Variants in SLC41A2 observed in about 807,000 individuals in gnomAD.
SLC41A2 encodes the protein solute carrier family 41 member 2.
Under a neutral mutation model 58.3 loss-of-function variants are expected in SLC41A2, and 32 were observed. That is an observed-to-expected ratio of 0.55 (90% CI 0.41 to 0.74). SLC41A2 has a LOEUF of 0.74. Ranked by LOEUF, SLC41A2 falls within the 30% of genes least tolerant of loss-of-function variation. The probability of loss-of-function intolerance (pLI) is 0.00; values close to 1 mark genes in which losing one functional copy is unlikely to be tolerated. For synonymous variants in SLC41A2, 190 were observed against 235.0 expected (o/e 0.81, Z 1.75); for missense variants, 514 against 680.6 (o/e 0.76, Z 2.72).
chr12:104,813,591 G>T (rs976228860), intron 10 of SLC41A2, among the ~76,000 whole-genome samples: 2 of 152,100 alleles, frequency 1.3e-5, no homozygotes, highest in Non-Finnish European at 2.9e-5. Context: ...CACACACACA[G>T]AATTTAAATA....
rs528489722 is a variant in SLC41A2, at chr12:104,887,092, C to T, written c.881-653G>A. On this transcript the variant is annotated intron_variant, in intron 5 of 10. Transcript: ENST00000258538. ...ACTTGTACTTTTACATCCTAATTTT[C>T]TTAAATTATACAAATGGGATAAAAC... 9.9e-5 allele frequency among the ~76,000 whole-genome samples: 15 copies of T among 152,018 alleles called. 2 individuals carry two copies. In the South Asian group the frequency reaches 2.9e-3, roughly 29 times the overall value.
intron 1 of SLC41A2, among the ~76,000 whole-genome samples, chr12:104,952,690 G>A (rs2048000341): frequency 6.6e-6 from 1 of 151,946 alleles, no homozygotes. Context: ...ATTTTCTATT[G>A]TATTCCTTTT....
chr12:104,949,077 T>C (rs2047853349), intron 1 of SLC41A2, among the ~76,000 whole-genome samples: 1 of 151,892 alleles, frequency 6.6e-6, no homozygotes, highest in Non-Finnish European at 1.5e-5. Context: ...TAGTGGGGCA[T>C]GGTGGTGGTG....
intron 1 of SLC41A2, among the ~76,000 whole-genome samples, chr12:104,943,696 G>A (rs1446477945): frequency 6.6e-6 from 1 of 152,136 alleles, no homozygotes; most frequent in Admixed American, 6.5e-5. Flanking sequence ...CAGTACTTGG[G>A]TTTTCCTGCT....
intron 6 of SLC41A2, among the ~76,000 whole-genome samples, chr12:104,877,666 C>G (rs987487040): frequency 1.3e-5 from 2 of 152,062 alleles, no homozygotes; most frequent in Non-Finnish European, 2.9e-5. Flanking sequence ...ATGATTAAGT[C>G]TTTTATAAGG....
intron 1 of SLC41A2, among the ~76,000 whole-genome samples, chr12:104,953,476 G>A (rs1046048543): frequency 1.3e-5 from 2 of 152,200 alleles, no homozygotes; most frequent in African/African-American, 4.8e-5. Flanking sequence ...CTAATTGCTA[G>A]GATAGGTATA....
intron 4 of SLC41A2, among the ~76,000 whole-genome samples, chr12:104,890,421 T>C: frequency 6.6e-6 from 1 of 152,174 alleles, no homozygotes; most frequent in East Asian, 1.9e-4. Context: ...AGCAGTAAAA[T>C]TAATTTATAA....
intron 8 of SLC41A2, among the ~76,000 whole-genome samples, chr12:104,850,941 T>C (rs1242410292): frequency 6.6e-6 from 1 of 152,230 alleles, no homozygotes; most frequent in Non-Finnish European, 1.5e-5. Flanking sequence ...AGCTGTGTTC[T>C]CTGTAACATT....
At position 104,882,294 on chromosome 12, in the gene SLC41A2, A is replaced by T. The variant is rs569474728; in HGVS notation, c.1027+3999T>A. ...CCAATTTGCCAGTCTGTGTCTTTTA[A>T]TTGGGGCATTTAGTCCATTTACATT... On this transcript the variant is annotated intron_variant, in intron 6 of 10. Coordinates refer to ENST00000258538, the MANE Select transcript of SLC41A2 (RefSeq NM_001352171.3). 9.2e-5 allele frequency among the ~76,000 whole-genome samples: 14 copies of T among 152,258 alleles called. 1 individual carries two copies. In the East Asian group the frequency reaches 2.1e-3, roughly 23 times the overall value.
chr12:104,859,457 T>C (rs903147337), intron 8 of SLC41A2, among the ~76,000 whole-genome samples: 1 of 152,094 alleles, frequency 6.6e-6, no homozygotes, highest in Non-Finnish European at 1.5e-5. Flanking sequence ...AAATAAATGA[T>C]TGAGCAAGTG....
chr12:104,838,888 C>T (rs959447075), intron 10 of SLC41A2, among the ~76,000 whole-genome samples: 1 of 152,148 alleles, frequency 6.6e-6, no homozygotes, highest in Non-Finnish European at 1.5e-5. Context: ...GTAGTTGGCA[C>T]ACTATATGTA....
intron 3 of SLC41A2, among the ~76,000 whole-genome samples, chr12:104,906,479 AG>A (rs1316613128): frequency 6.6e-6 from 1 of 152,162 alleles, no homozygotes; most frequent in East Asian, 1.9e-4. Flanking sequence ...GCCTCAGACC[AG>A]GGGGTGGCTC....
chr12:104,879,789 G>A (rs1344781742), intron 6 of SLC41A2, among the ~76,000 whole-genome samples: 2 of 151,938 alleles, frequency 1.3e-5, no homozygotes, highest in Non-Finnish European at 2.9e-5. Context: ...GCTCTTTTTC[G>A]GTTCCATATG....
Position 104,897,144 on chromosome 12 carries a change from C to CTT in SLC41A2, c.664-1801_664-1800dup, listed in dbSNP as rs71440558. Among the ~76,000 whole-genome samples, 732 of 120,254 alleles carry CTT rather than the reference C, an allele frequency of 6.1e-3. 10 individuals carry two copies. Among genetic ancestry groups the CTT allele is most frequent in the Non-Finnish European group, 7.6e-3 (453 of 59,882 alleles). 78.9% of individuals were successfully genotyped at this position (120,254 alleles called of 152,430 possible). On this transcript the variant is annotated intron_variant, in intron 3 of 10. Coordinates refer to ENST00000258538, the MANE Select transcript of SLC41A2 (RefSeq NM_001352171.3). ...ACCCAGAGTGACACTTTTCTTTTTTCTTTTTTTTTTTTTTTTTTTGAGACA... is the reference window on the plus strand; with the variant it reads ...ACCCAGAGTGACACTTTTCTTTTTTCTTTTTTTTTTTTTTTTTTTTTGAGACA...
intron 4 of SLC41A2, among the ~76,000 whole-genome samples, chr12:104,894,333 AC>A (rs996860292): frequency 5.9e-5 from 9 of 151,804 alleles, no homozygotes; most frequent in African/African-American, 2.2e-4. Flanking sequence ...ACCCTGGGCA[AC>A]AGAGCAAGAC....
Position 104,853,911 on chromosome 12 carries a change from A to ATTATTATTATTATTTTTTTTTTTTTTTT in SLC41A2, c.1255+7379_1255+7380insAAAAAAAAAAAAAAAATAATAATAATAA. Among the ~76,000 whole-genome samples the ATTATTATTATTATTTTTTTTTTTTTTTT allele has an allele frequency of 1.7e-4, 10 of 59,498 alleles. 2 individuals are homozygous for ATTATTATTATTATTTTTTTTTTTTTTTT. The highest frequency in any genetic ancestry group is 3.5e-4 in the African/African-American group (5 of 14,476). The allele number at this position is 59,498 out of a possible 152,430, so 39.0% of individuals were successfully genotyped here. A position where few individuals can be genotyped will look rare whatever the true frequency, so the allele number is the denominator to read the frequency against. On this transcript the variant is annotated intron_variant, in intron 8 of 10. Coordinates refer to ENST00000258538, the MANE Select transcript of SLC41A2 (RefSeq NM_001352171.3). ...GGGTGCATGTCACCATGCCTGGCTGATTTTTTTTTTTTTTTTTTTTTTTTT... is the reference window on the plus strand; with the variant it reads ...GGGTGCATGTCACCATGCCTGGCTGATTATTATTATTATTTTTTTTTTTTTTTTTTTTTTTTTTTTTTTTTTTTTTTTT...
chr12:104,950,879 A>G (rs570945512), intron 1 of SLC41A2, among the ~76,000 whole-genome samples: 2 of 152,310 alleles, frequency 1.3e-5, no homozygotes, highest in South Asian at 4.1e-4. Context: ...AAGGCTAATA[A>G]CAAAGTGCTC....
At chr12:104,931,443 A>G (rs2047050211) in intron 1 of SLC41A2, among the ~76,000 whole-genome samples, 2 of 152,132 alleles carry the variant, frequency 1.3e-5, no homozygotes, top group African/African-American at 4.8e-5. Flanking sequence ...GCTGCTTACT[A>G]TTTCCTGAGT....
At chr12:104,886,546 G>T in intron 5 of SLC41A2, 107 bp from the exon 6 acceptor site, 2 of 1,176,128 alleles carry the variant, frequency 1.7e-6, no homozygotes, top group Non-Finnish European at 2.4e-6. Context: ...ATTCCAGTTA[G>T]ACTGCTTAGA....
Sources: gnomAD v4.1 joint callset for allele counts (sites outside exome capture counted in the v4.1 genomes callset) on GRCh38, gnomAD v4.1.1 for gene constraint, MANE v1.5 for transcripts, NCBI Gene and HGNC (gene_info 2026-07-23, HGNC 2026-07-21) for gene names.